GINS1: variants seen among roughly 807,000 people sequenced by gnomAD.
GINS1 encodes GINS complex subunit 1.
Under a neutral mutation model 34.9 loss-of-function variants are expected in GINS1, and 26 were observed. The observed-to-expected ratio is 0.74, with a 90% confidence interval of 0.55 to 1.03. GINS1 has a LOEUF of 1.03. GINS1 is among the 50% of genes least tolerant of loss of function. The pLI is 0.00. For missense variants in GINS1, 235 were observed against 237.9 expected, an observed-to-expected ratio of 0.99 and a Z score of 0.08; for synonymous variants, 97 against 84.4, an observed-to-expected ratio of 1.15 and a Z score of -0.82.
At chr20:25,423,452 CTTTTTTTTTTTTTTTTTTTTT>C (rs1159340467) in intron 4 of GINS1, among the ~76,000 whole-genome samples, 2 of 29,990 alleles carry the variant, frequency 6.7e-5, no homozygotes, top group Non-Finnish European at 1.2e-4. Flanking sequence ...TTTTTCTTTT[CTTTTTTTTTTTTTTTTTTTTT>C]TTTTTTTTTT....
chr20:25,424,865 T>C (rs1238051962), intron 4 of GINS1, among the ~76,000 whole-genome samples: 1 of 152,214 alleles, frequency 6.6e-6, no homozygotes, highest in Non-Finnish European at 1.5e-5. Context: ...TAACAATGTT[T>C]TATAGTTTTC....
At position 25,407,818 on chromosome 20, in the gene GINS1, G is replaced by C. The variant is rs761108191; in HGVS notation, c.-3G>C. ...AAGGCCGCGGGAGTGGGAAGCGTCC[G>C]CCATGTTCTGCGAAAAAGCCATGGA... On this transcript the variant is annotated 5_prime_UTR_variant, in exon 1 of 7. Coordinates refer to ENST00000262460, the MANE Select transcript of GINS1 (RefSeq NM_021067.5). The C allele has an allele frequency of 6.2e-7, 1 of 1,613,186 alleles. No homozygotes were observed. Among genetic ancestry groups the C allele is most frequent in the African/African-American group, 1.3e-5 (1 of 74,940 alleles).
chr20:25,422,651 T>TA (rs1481533484), intron 4 of GINS1, among the ~76,000 whole-genome samples: 1 of 152,184 alleles, frequency 6.6e-6, no homozygotes, highest in Non-Finnish European at 1.5e-5. Flanking sequence ...CACTATAATT[T>TA]AGTGTTGCCC....
At position 25,425,274 on chromosome 20, in the gene GINS1, G is replaced by A; in HGVS notation, c.394G>A (p.Glu132Lys). Residue 132 changes from glutamate to lysine, a missense_variant, in exon 5 of 7, where the codon GAA becomes AAA. Glu to Lys is a moderately conservative substitution (Grantham distance 56, BLOSUM62 1). Coordinates refer to ENST00000262460, the MANE Select transcript of GINS1 (RefSeq NM_021067.5). ...TTATATGAGGTCACTGGGAGGAGATGAAGGTTTGGACATTACACAGGATAT... is the reference window on the plus strand; with the variant it reads ...TTATATGAGGTCACTGGGAGGAGATAAAGGTTTGGACATTACACAGGATAT... ...ATYMRSLGGD[E>K]GLDITQDMKP... 6.3e-7 allele frequency: 1 copy of A among 1,575,822 alleles called. No homozygotes were observed. The highest frequency in any genetic ancestry group is 8.7e-7 in the Non-Finnish European group (1 of 1,145,610).
At chr20:25,413,694 G>A (rs562133563) in intron 1 of GINS1, 96 bp from the exon 2 acceptor site, 3 of 770,178 alleles carry the variant, frequency 3.9e-6, no homozygotes, top group African/African-American at 3.4e-5. Context: ...TTTTGCTAAA[G>A]TATATAAATG....
intron 2 of GINS1, among the ~76,000 whole-genome samples, chr20:25,416,762 G>C (rs538821512): frequency 6.6e-6 from 1 of 152,292 alleles, no homozygotes; most frequent in South Asian, 2.1e-4. Context: ...TGTCCATCAT[G>C]TTAGCTTTGT....
At chr20:25,414,487 G>A (rs1377550683) in intron 2 of GINS1, among the ~76,000 whole-genome samples, 1 of 152,130 alleles carries the variant, frequency 6.6e-6, no homozygotes, top group Non-Finnish European at 1.5e-5. Context: ...CAAGGCAAAA[G>A]GATCAGTTGA....
chr20:25,407,712 C>T lies in GINS1; in HGVS notation c.-109C>T, dbSNP rs1019800682. ...CGCGGAGCGGAGGCCGAGGCGAGAGCCTGGCGCTGTAGGACTAGAACGAAA... is the reference window on the plus strand; with the variant it reads ...CGCGGAGCGGAGGCCGAGGCGAGAGTCTGGCGCTGTAGGACTAGAACGAAA... On this transcript the variant is annotated 5_prime_UTR_variant, in exon 1 of 7. Coordinates refer to ENST00000262460, the MANE Select transcript of GINS1 (RefSeq NM_021067.5). The T allele has an allele frequency of 1.1e-5, 9 of 856,648 alleles. No homozygotes were observed. The East Asian group carries it at 2.4e-4, about 23-fold the overall frequency. The allele number at this position is 856,648 out of a possible 1,614,324, so 53.1% of individuals were successfully genotyped here. A position where few individuals can be genotyped will look rare whatever the true frequency, so the allele number is the denominator to read the frequency against.
intron 5 of GINS1, among the ~76,000 whole-genome samples, chr20:25,429,023 C>T (rs1387040481): frequency 1.6e-5 from 2 of 122,060 alleles, no homozygotes; most frequent in African/African-American, 6.0e-5. Flanking sequence ...AAGTCTTGCT[C>T]TGTCGCCCAG....
intron 5 of GINS1, among the ~76,000 whole-genome samples, chr20:25,428,965 C>G (rs920471199): frequency 7.9e-6 from 1 of 126,340 alleles, no homozygotes; most frequent in Non-Finnish European, 1.6e-5. Context: ...CTTCATTCCT[C>G]TCTCTTTTTT....
intron 6 of GINS1, among the ~76,000 whole-genome samples, chr20:25,444,455 TTG>T (rs2090500194): frequency 6.6e-6 from 1 of 152,340 alleles, no homozygotes; most frequent in South Asian, 2.1e-4. Flanking sequence ...TATTTTGTTT[TTG>T]TTGTGTTTTT....
intron 4 of GINS1, among the ~76,000 whole-genome samples, chr20:25,420,346 C>T (rs1440788846): frequency 6.6e-6 from 1 of 151,686 alleles, no homozygotes; most frequent in Non-Finnish European, 1.5e-5. Flanking sequence ...ATTGGCCAGG[C>T]TGGTCCTGAG....
intron 5 of GINS1, among the ~76,000 whole-genome samples, chr20:25,434,354 A>G (rs1723676127): frequency 6.6e-6 from 1 of 152,134 alleles, no homozygotes; most frequent in African/African-American, 2.4e-5. Flanking sequence ...GCTAGGTTTT[A>G]GAATTTTCCA....
At chr20:25,433,615 A>G (rs936338657) in intron 5 of GINS1, among the ~76,000 whole-genome samples, 4 of 152,144 alleles carry the variant, frequency 2.6e-5, no homozygotes, top group Non-Finnish European at 5.9e-5. Flanking sequence ...TGATTTGCAG[A>G]TACGGAACCT....
At chr20:25,410,636 C>T (rs1740678904) in intron 1 of GINS1, among the ~76,000 whole-genome samples, 2 of 149,628 alleles carry the variant, frequency 1.3e-5, no homozygotes, top group African/African-American at 2.5e-5. Context: ...GATCTCGGCT[C>T]ACTGCAACCT....
At chr20:25,431,484 A>G (rs1483281775) in intron 5 of GINS1, among the ~76,000 whole-genome samples, 1 of 150,562 alleles carries the variant, frequency 6.6e-6, no homozygotes, top group Non-Finnish European at 1.5e-5. Context: ...TTAAGATGTA[A>G]AGTTAGGTGG....
At chr20:25,408,682 C>T (rs999996042) in intron 1 of GINS1, among the ~76,000 whole-genome samples, 2 of 152,122 alleles carry the variant, frequency 1.3e-5, no homozygotes, top group African/African-American at 2.4e-5. Flanking sequence ...CAGGGAGACC[C>T]TGTCCCAAAC....
intron 5 of GINS1, among the ~76,000 whole-genome samples, chr20:25,425,803 T>G (rs1159848765): frequency 6.6e-6 from 1 of 152,208 alleles, no homozygotes; most frequent in Non-Finnish European, 1.5e-5. Context: ...GTATTTTTGT[T>G]TCATTTTGTT....
At chr20:25,424,863 T>A (rs1482799898) in intron 4 of GINS1, among the ~76,000 whole-genome samples, 1 of 152,198 alleles carries the variant, frequency 6.6e-6, no homozygotes, top group Non-Finnish European at 1.5e-5. Context: ...CTTAACAATG[T>A]TTTATAGTTT....
Sources: allele counts gnomAD v4.1 joint callset (sites outside exome capture counted in the v4.1 genomes callset), GRCh38; gene constraint gnomAD v4.1.1; transcripts MANE v1.5; gene names NCBI Gene and HGNC (gene_info 2026-07-23, HGNC 2026-07-21).